The following SLC7A7 variants were observed in gnomAD, a reference collection of about 807,000 sequenced individuals.
SLC7A7 encodes the protein solute carrier family 7 member 7.
SLC7A7 carries 39 observed loss-of-function variants against 47.9 expected under a neutral mutation model. The ratio of observed to expected loss-of-function variants is 0.81; its 90% CI spans 0.63 to 1.06. The LOEUF is 1.06. Among genes scored for constraint, SLC7A7 ranks in the 50% least tolerant of loss-of-function variants. The pLI is 0.00. For missense variants in SLC7A7, 588 were observed against 632.0 expected, an observed-to-expected ratio of 0.93 and a Z score of 0.75; for synonymous variants, 234 against 242.8, an observed-to-expected ratio of 0.96 and a Z score of 0.34.
intron 2 of SLC7A7, among the ~76,000 whole-genome samples, chr14:22,784,573 A>G (rs536675821): frequency 6.6e-6 from 1 of 152,086 alleles, no homozygotes; most frequent in East Asian, 1.9e-4. Context: ...AGCCAAGATC[A>G]CACCACTGCA....
At chr14:22,788,980 T>G (rs2065134) in intron 2 of SLC7A7, among the ~76,000 whole-genome samples, 15,715 of 152,124 alleles carry the variant, frequency 0.1, 873 homozygotes, top group African/African-American at 0.12. Context: ...CATAAACTTA[T>G]GAGATTGCAC....
At chr14:22,810,026 G>A (rs8017726) in intron 2 of SLC7A7, among the ~76,000 whole-genome samples, 1 of 123,784 alleles carries the variant, frequency 8.1e-6, no homozygotes, top group Admixed American at 8.9e-5. Context: ...GCAACAAGAG[G>A]GAAACACTGT....
rs531427504 is a variant in SLC7A7, at chr14:22,774,344, G to A, written c.1245+10C>T. 6.8e-5 allele frequency: 110 copies of A among 1,614,124 alleles called. No individual in the cohort carries two copies. In the South Asian group the frequency reaches 1.1e-3, roughly 16 times the overall value. Reference sequence around the variant, plus strand: ...TCAGGTGGAGCAGAGGTAGGATGGAGTTGCCTTACCTTGAGGGGACGAGGT... The same window carrying A: ...TCAGGTGGAGCAGAGGTAGGATGGAATTGCCTTACCTTGAGGGGACGAGGT... On this transcript the variant is annotated intron_variant, in intron 8 of 9. Coordinates refer to ENST00000674313, the MANE Select transcript of SLC7A7 (RefSeq NM_003982.4).
At chr14:22,782,460 A>AT (rs1388690122) in intron 2 of SLC7A7, among the ~76,000 whole-genome samples, 6 of 144,772 alleles carry the variant, frequency 4.1e-5, no homozygotes. Context: ...TTATTTATTT[A>AT]TTTATTTTAT....
chr14:22,773,838 G>C, intron 9 of SLC7A7, 95 bp downstream of exon 9: 1 of 1,567,642 alleles, frequency 6.4e-7, no homozygotes, highest in Non-Finnish European at 8.8e-7. Flanking sequence ...ATAAGAAGGG[G>C]CTAAGGCAAA....
intron 2 of SLC7A7, among the ~76,000 whole-genome samples, chr14:22,808,067 C>T (rs542816656): frequency 6.6e-6 from 1 of 151,716 alleles, no homozygotes; most frequent in South Asian, 2.1e-4. Context: ...GAGGCTGGGG[C>T]AGGAGAATCG....
intron 2 of SLC7A7, among the ~76,000 whole-genome samples, chr14:22,801,637 G>A (rs1403326996): frequency 6.6e-6 from 1 of 152,122 alleles, no homozygotes; most frequent in Non-Finnish European, 1.5e-5. Context: ...AATTAGCTGA[G>A]CATGGTGGTG....
At chr14:22,780,939 C>G (rs2038707081) in intron 2 of SLC7A7, among the ~76,000 whole-genome samples, 1 of 152,148 alleles carries the variant, frequency 6.6e-6, no homozygotes, top group Admixed American at 6.6e-5. Flanking sequence ...ATTTGAATTA[C>G]TTGAAGAAGT....
chr14:22,775,775 T>G, intron 6 of SLC7A7, 58 bp downstream of exon 6: 2 of 1,254,242 alleles, frequency 1.6e-6, no homozygotes, highest in Non-Finnish European at 2.3e-6. Context: ...GTCCTGTAAG[T>G]TCTGTCCACT....
At chr14:22,813,527 C>T (rs1369292075) in intron 1 of SLC7A7, 87 bp from the exon 2 acceptor site, 1 of 1,192,026 alleles carries the variant, frequency 8.4e-7, no homozygotes, top group Non-Finnish European at 1.2e-6. Context: ...GTAATACGGG[C>T]AGCTCACCAA....
At chr14:22,818,820 CT>C (rs2039441077), upstream of SLC7A7, among the ~76,000 whole-genome samples, 1 of 152,032 alleles carries the variant, frequency 6.6e-6, no homozygotes, top group Admixed American at 6.6e-5. Context: ...TCTCGAACTC[CT>C]GACCTCGTGA....
chr14:22,774,427 A>T lies in SLC7A7; in HGVS notation c.1172T>A (p.Phe391Tyr). ...ACCCACAATAGAAAGCCCCACAAAG[A>T]ACCAGTAGCTGAAGCTGTAGTAGTT... ...LINYYSFSYW[F>Y]FVGLSIVGQL... The change falls in exon 8 of 10, where the codon TTC (phenylalanine) becomes TAC (tyrosine). Residue 391 changes from phenylalanine to tyrosine, a missense_variant. Coordinates refer to ENST00000674313, the MANE Select transcript of SLC7A7 (RefSeq NM_003982.4). 1 of 1,614,126 alleles carries T rather than the reference A, an allele frequency of 6.2e-7. No homozygotes were observed. Among genetic ancestry groups the T allele is most frequent in the Non-Finnish European group, 8.5e-7 (1 of 1,180,020 alleles).
chr14:22,816,974 C>CTTA (rs1172421245), upstream of SLC7A7, among the ~76,000 whole-genome samples: 11 of 152,096 alleles, frequency 7.2e-5, no homozygotes, highest in African/African-American at 2.7e-4. Context: ...ATTGCTATCA[C>CTTA]TTATTGAGCA....
At chr14:22,806,629 C>T (rs966583684) in intron 2 of SLC7A7, among the ~76,000 whole-genome samples, 2 of 152,068 alleles carry the variant, frequency 1.3e-5, no homozygotes, top group African/African-American at 4.8e-5. Context: ...ACTCTGAGAG[C>T]TTCCATATTC....
In SLC7A7 at chr14:22,813,305, T is replaced by A; in HGVS notation, c.94A>T (p.Lys32Ter). Residue 32 changes from lysine to a stop codon, truncating the protein, a stop_gained, in exon 2 of 10, where the codon AAG (lysine) becomes TAG (stop). Transcript: ENST00000674313. LOFTEE classifies it high-confidence loss of function. ...DGASPGPEQV[K>*]LKKEISLLNG... is the part of the protein sequence containing the mutation. ...AGCAGTGAGATCTCCTTCTTCAGCT[T>A]CACCTGCTCCGGCCCTGGGCTGGCC... The A allele has an allele frequency of 6.8e-6, 11 of 1,614,160 alleles. No individual in the cohort carries two copies. Among genetic ancestry groups the A allele is most frequent in the Non-Finnish European group, 9.3e-6 (11 of 1,180,022 alleles).
At chr14:22,797,691 G>T (rs1000266041) in intron 2 of SLC7A7, among the ~76,000 whole-genome samples, 2 of 152,144 alleles carry the variant, frequency 1.3e-5, no homozygotes, top group African/African-American at 4.8e-5. Context: ...ATTCCTGACA[G>T]AGAGGGCAAA....
intron 2 of SLC7A7, among the ~76,000 whole-genome samples, chr14:22,802,876 C>A (rs1412955944): frequency 6.6e-6 from 1 of 151,980 alleles, no homozygotes; most frequent in Non-Finnish European, 1.5e-5. Flanking sequence ...CCCCTCATAT[C>A]CCACAATCCC....
chr14:22,795,621 C>T (rs1466968718), intron 2 of SLC7A7, among the ~76,000 whole-genome samples: 3 of 151,898 alleles, frequency 2.0e-5, no homozygotes, highest in African/African-American at 7.3e-5. Flanking sequence ...ACCACAGGCG[C>T]CTGCCACCAC....
intron 2 of SLC7A7, among the ~76,000 whole-genome samples, chr14:22,807,219 C>A (rs1257050137): frequency 6.6e-6 from 1 of 151,972 alleles, no homozygotes; most frequent in African/African-American, 2.4e-5. Flanking sequence ...TTATTCATAC[C>A]CTCATCTCTG....
Sources: allele counts gnomAD v4.1 joint callset (sites outside exome capture counted in the v4.1 genomes callset), GRCh38; gene constraint gnomAD v4.1.1; transcripts MANE v1.5; gene names NCBI Gene and HGNC (gene_info 2026-07-23, HGNC 2026-07-21).